MCC: variants seen among roughly 807,000 people sequenced by gnomAD.
MCC encodes colorectal mutant cancer protein.
Under a neutral mutation model 116.2 loss-of-function variants are expected in MCC, and 90 were observed. That is an observed-to-expected ratio of 0.77 (90% CI 0.65 to 0.92). The LOEUF is 0.92. MCC is among the 40% of genes least tolerant of loss of function. The probability of loss-of-function intolerance (pLI) is 0.00; values close to 1 mark genes in which losing one functional copy is unlikely to be tolerated. For missense variants in MCC, 1,516 were observed against 1,312.2 expected, an observed-to-expected ratio of 1.16 and a Z score of -2.40; for synonymous variants, 578 against 510.5, an observed-to-expected ratio of 1.13 and a Z score of -1.78.
At chr5:113,124,911 TG>T (rs1208391044) in intron 5 of MCC, among the ~76,000 whole-genome samples, 1 of 152,198 alleles carries the variant, frequency 6.6e-6, no homozygotes, top group Non-Finnish European at 1.5e-5. Flanking sequence ...GGGCTGCCAG[TG>T]GGGAGTGACC....
intron 3 of MCC, among the ~76,000 whole-genome samples, chr5:113,329,811 G>C (rs1767656010): frequency 1.3e-5 from 2 of 152,044 alleles, no homozygotes; most frequent in Admixed American, 6.6e-5. Context: ...CATCCCTTTA[G>C]TGTATATAGA....
chr5:113,306,733 T>G (rs1003425676), intron 3 of MCC, among the ~76,000 whole-genome samples: 2 of 152,182 alleles, frequency 1.3e-5, no homozygotes, highest in Admixed American at 6.5e-5. Flanking sequence ...GAAGTCCAAT[T>G]TATCTATTTT....
Position 113,279,533 on chromosome 5 carries a change from G to T in MCC, c.627+60986C>A, listed in dbSNP as rs369930170. 2.0e-5 allele frequency among the ~76,000 whole-genome samples: 3 copies of T among 152,172 alleles called. No homozygotes were observed. The South Asian group carries it at 6.2e-4, about 32-fold the overall frequency. ...ATTAACATATTTGTCTCTTGCAAAT[G>T]AATATCGGAGCTTAACTGCATGGAC... is the stretch of plus-strand genomic sequence containing the variant. On this transcript the variant is annotated intron_variant, in intron 3 of 18. Coordinates refer to ENST00000408903, the MANE Select transcript of MCC (RefSeq NM_001085377.2).
chr5:113,139,528 G>A (rs1759050137), intron 5 of MCC, among the ~76,000 whole-genome samples: 1 of 152,110 alleles, frequency 6.6e-6, no homozygotes, highest in African/African-American at 2.4e-5. Flanking sequence ...GGTCATTAGA[G>A]AAATGCAAAT....
Position 113,122,972 on chromosome 5 carries a change from G to A in MCC, c.885-146C>T, listed in dbSNP as rs564580546. ...ACAGGGACCAGGATTTCTCCCAGGC[G>A]AAATAGATAGTCACATCTATGCTCA... On this transcript the variant is annotated intron_variant, in intron 5 of 18. Transcript: ENST00000408903. 976 of 789,550 alleles carry A rather than the reference G, an allele frequency of 1.2e-3. 8 individuals carry two copies. The African/African-American group carries it at 0.015, about 12-fold the overall frequency. The allele number at this position is 789,550 out of a possible 1,614,324, so 48.9% of individuals were successfully genotyped here. A position where few individuals can be genotyped will look rare whatever the true frequency, so the allele number is the denominator to read the frequency against.
At chr5:113,144,385 C>T (rs1248280342) in intron 4 of MCC, among the ~76,000 whole-genome samples, 3 of 152,160 alleles carry the variant, frequency 2.0e-5, no homozygotes, top group Non-Finnish European at 4.4e-5. Flanking sequence ...CACTCGGCTT[C>T]GATTAATTTC....
At chr5:113,387,754 T>C (rs992866797) in intron 1 of MCC, among the ~76,000 whole-genome samples, 3 of 152,208 alleles carry the variant, frequency 2.0e-5, no homozygotes, top group African/African-American at 7.2e-5. Context: ...ACCTACCTCA[T>C]AGGGCTGCTC....
chr5:113,194,810 T>C (rs1762319437), intron 3 of MCC, among the ~76,000 whole-genome samples: 1 of 152,176 alleles, frequency 6.6e-6, no homozygotes, highest in Non-Finnish European at 1.5e-5. Flanking sequence ...CTATATATAG[T>C]CATTCCTCGA....
Position 113,143,359 on chromosome 5 carries a change from C to T in MCC, c.743G>A (p.Cys248Tyr). ...CTCTCTCATGAGGTGGGACTGCTCG[C>T]ACTGGGAATAAGGGAAAAGGACAGA... ...LLEKKLAKAQ[C>Y]EQSHLMREHE... Residue 248 changes from cysteine (C) to tyrosine (Y), a missense_variant and splice_region_variant, in exon 5 of 19, where the codon TGC becomes TAC. Coordinates refer to ENST00000408903, the MANE Select transcript of MCC (RefSeq NM_001085377.2). The T allele has an allele frequency of 6.2e-7, 1 of 1,613,636 alleles. No individual in the cohort carries two copies. The highest frequency in any genetic ancestry group is 8.5e-7 in the Non-Finnish European group (1 of 1,179,908).
At chr5:113,389,227 G>A (rs546062274) in intron 1 of MCC, among the ~76,000 whole-genome samples, 3 of 152,250 alleles carry the variant, frequency 2.0e-5, no homozygotes, top group Admixed American at 1.3e-4. Context: ...ACGCCACCTT[G>A]CCAGGTTGTT....
At chr5:113,252,078 T>C (rs1764824057) in intron 3 of MCC, among the ~76,000 whole-genome samples, 2 of 152,190 alleles carry the variant, frequency 1.3e-5, no homozygotes, top group Non-Finnish European at 2.9e-5. Flanking sequence ...ACCACAACCC[T>C]ATTCCTCCAT....
chr5:113,304,856 A>G (rs568685981), intron 3 of MCC, among the ~76,000 whole-genome samples: 43 of 152,304 alleles, frequency 2.8e-4, no homozygotes, highest in African/African-American at 1.0e-3. Flanking sequence ...AAATAGATGC[A>G]TAAAAATAGA....
chr5:113,407,131 A>G (rs1769857717), intron 1 of MCC, among the ~76,000 whole-genome samples: 1 of 152,206 alleles, frequency 6.6e-6, no homozygotes. Flanking sequence ...AGTTAAAATA[A>G]TTATTATTTA....
intron 2 of MCC, among the ~76,000 whole-genome samples, chr5:113,383,279 A>C (rs1182220695): frequency 6.6e-6 from 1 of 152,194 alleles, no homozygotes; most frequent in Non-Finnish European, 1.5e-5. Context: ...GTGTACACTT[A>C]TGTGTTTATA....
intron 1 of MCC, among the ~76,000 whole-genome samples, chr5:113,449,383 G>T (rs1333206810): frequency 6.6e-6 from 1 of 152,124 alleles, no homozygotes; most frequent in African/African-American, 2.4e-5. Context: ...GAAAGAAAAA[G>T]AATAAAATGA....
At chr5:113,372,950 G>A (rs555800107) in intron 2 of MCC, among the ~76,000 whole-genome samples, 21 of 152,174 alleles carry the variant, frequency 1.4e-4, no homozygotes, top group African/African-American at 5.1e-4. Context: ...AGGCCGAGGC[G>A]GGCGGTTCAC....
chr5:113,139,610 G>T (rs1170268213), intron 5 of MCC, among the ~76,000 whole-genome samples: 1 of 152,198 alleles, frequency 6.6e-6, no homozygotes, highest in Non-Finnish European at 1.5e-5. Flanking sequence ...AACAACAGAT[G>T]CTGGAGAGGA....
At chr5:113,044,039 G>A (rs1385660487) in intron 16 of MCC, among the ~76,000 whole-genome samples, 1 of 152,196 alleles carries the variant, frequency 6.6e-6, no homozygotes, top group Non-Finnish European at 1.5e-5. Context: ...AGGAAATGGG[G>A]GAACCAGGAT....
intron 15 of MCC, among the ~76,000 whole-genome samples, chr5:113,051,513 G>C (rs1752488667): frequency 6.6e-6 from 1 of 152,204 alleles, no homozygotes; most frequent in African/African-American, 2.4e-5. Context: ...GAGCCCAGGA[G>C]TTTGAGACTG....
Sources: allele counts gnomAD v4.1 joint callset (sites outside exome capture counted in the v4.1 genomes callset), GRCh38; gene constraint gnomAD v4.1.1; transcripts MANE v1.5; gene names NCBI Gene and HGNC (gene_info 2026-07-23, HGNC 2026-07-21).